SLC4A5: variants seen among roughly 807,000 people sequenced by gnomAD.
SLC4A5 encodes electrogenic sodium bicarbonate cotransporter 4.
In SLC4A5, 96 loss-of-function variants were observed where a neutral mutation model predicts 120.4. The ratio of observed to expected loss-of-function variants is 0.80; its 90% CI spans 0.68 to 0.94. The LOEUF is 0.94. Among genes scored for constraint, SLC4A5 ranks in the 40% least tolerant of loss-of-function variants. SLC4A5 has a pLI of 0.00. For synonymous variants in SLC4A5, 550 were observed against 571.1 expected (o/e 0.96, Z 0.53); for missense variants, 1,259 against 1,459.5 (o/e 0.86, Z 2.24).
chr2:74,274,739 T>C (rs1409296968), intron 8 of SLC4A5, among the ~76,000 whole-genome samples: 1 of 152,232 alleles, frequency 6.6e-6, no homozygotes, highest in Non-Finnish European at 1.5e-5. Context: ...TGAAGGCCAA[T>C]TTATTTAATT....
chr2:74,272,054 A>C (rs1671491851), intron 8 of SLC4A5, among the ~76,000 whole-genome samples: 1 of 152,164 alleles, frequency 6.6e-6, no homozygotes, highest in Admixed American at 6.5e-5. Flanking sequence ...AATGAAGCTG[A>C]AGTGACAGAG....
At chr2:74,330,965 GA>G (rs1231947272) in intron 4 of SLC4A5, among the ~76,000 whole-genome samples, 1 of 95,986 alleles carries the variant, frequency 1.0e-5, no homozygotes, top group Non-Finnish European at 2.2e-5. Context: ...GTGAGGTGTA[GA>G]TGGTGGTGGT....
chr2:74,300,204 C>T (rs1485058631), intron 7 of SLC4A5, among the ~76,000 whole-genome samples: 1 of 152,138 alleles, frequency 6.6e-6, no homozygotes, highest in African/African-American at 2.4e-5. Flanking sequence ...TACCAGGGGT[C>T]GGATGTGGAA....
At chr2:74,314,865 C>T (rs188045329) in intron 6 of SLC4A5, 80 bp downstream of exon 6, 16 of 1,306,042 alleles carry the variant, frequency 1.2e-5, no homozygotes, top group Non-Finnish European at 1.8e-5. Context: ...GACTCTCCTG[C>T]TGAAAGAGCT....
At chr2:74,279,640 A>ACATG (rs764133031) in intron 8 of SLC4A5, among the ~76,000 whole-genome samples, 3 of 152,196 alleles carry the variant, frequency 2.0e-5, no homozygotes, top group Non-Finnish European at 4.4e-5. Context: ...CACGGTGGCC[A>ACATG]CATGATGACC....
chr2:74,249,163 T>C (rs1670712838), intron 17 of SLC4A5, among the ~76,000 whole-genome samples: 1 of 152,166 alleles, frequency 6.6e-6, no homozygotes, highest in African/African-American at 2.4e-5. Flanking sequence ...TAGATATTGT[T>C]AAATGTCTCC....
chr2:74,287,704 A>G (rs1048104644), intron 7 of SLC4A5, among the ~76,000 whole-genome samples: 2 of 152,118 alleles, frequency 1.3e-5, no homozygotes, highest in Non-Finnish European at 2.9e-5. Flanking sequence ...CACTTCACCA[A>G]GAGAATAAAG....
At chr2:74,314,218 G>A (rs150843338) in intron 6 of SLC4A5, among the ~76,000 whole-genome samples, 1 of 152,294 alleles carries the variant, frequency 6.6e-6, no homozygotes, top group African/African-American at 2.4e-5. Flanking sequence ...CTGGTGAACT[G>A]TGGGGAGTGG....
chr2:74,319,659 C>G (rs1673049261), intron 5 of SLC4A5, among the ~76,000 whole-genome samples: 1 of 152,114 alleles, frequency 6.6e-6, no homozygotes, highest in Non-Finnish European at 1.5e-5. Context: ...ATAGTGCATT[C>G]TCTCTCTTTT....
intron 21 of SLC4A5, among the ~76,000 whole-genome samples, chr2:74,239,083 G>A (rs1474841024): frequency 6.6e-6 from 1 of 152,186 alleles, no homozygotes; most frequent in Admixed American, 6.5e-5. Context: ...TTAGTCATCA[G>A]GGAAATGAAA....
intron 6 of SLC4A5, among the ~76,000 whole-genome samples, chr2:74,311,559 T>C (rs1201472335): frequency 6.6e-6 from 1 of 152,244 alleles, no homozygotes; most frequent in Admixed American, 6.5e-5. Flanking sequence ...CTTTGACTAC[T>C]CATATATTAT....
At chr2:74,339,942 C>T (rs10168300) in intron 2 of SLC4A5, among the ~76,000 whole-genome samples, 1 of 152,032 alleles carries the variant, frequency 6.6e-6, no homozygotes, top group Non-Finnish European at 1.5e-5. Context: ...AGACACAAAA[C>T]GACAAATACT....
intron 6 of SLC4A5, among the ~76,000 whole-genome samples, chr2:74,306,501 T>A (rs985988501): frequency 6.6e-6 from 1 of 152,200 alleles, no homozygotes; most frequent in Non-Finnish European, 1.5e-5. Flanking sequence ...AGTAAAACTG[T>A]CTTTGACTGC....
chr2:74,303,362 G>A (rs1193011650), intron 7 of SLC4A5, among the ~76,000 whole-genome samples: 1 of 152,092 alleles, frequency 6.6e-6, no homozygotes, highest in African/African-American at 2.4e-5. Flanking sequence ...TGCAGTCACT[G>A]CCTCTGACAC....
At chr2:74,297,323 G>T (rs188295240) in intron 7 of SLC4A5, among the ~76,000 whole-genome samples, 2 of 152,266 alleles carry the variant, frequency 1.3e-5, no homozygotes, top group Middle Eastern at 3.4e-3. Flanking sequence ...TTAACAACTC[G>T]TAGCAATCTG....
chr2:74,285,952 G>A (rs1671968797), intron 7 of SLC4A5, 50 bp from the exon 8 acceptor site: 1 of 1,520,690 alleles, frequency 6.6e-7, no homozygotes, highest in Admixed American at 2.2e-5. Context: ...GAAGGCAGGA[G>A]GACCACAAGG....
intron 8 of SLC4A5, among the ~76,000 whole-genome samples, chr2:74,281,351 C>T (rs772641530): frequency 1.3e-5 from 2 of 152,230 alleles, no homozygotes; most frequent in African/African-American, 4.8e-5. Context: ...TGGGTTCCAA[C>T]CCAGGTCATT....
chr2:74,304,288 C>T (rs549444791), intron 7 of SLC4A5, among the ~76,000 whole-genome samples: 13 of 152,294 alleles, frequency 8.5e-5, no homozygotes, highest in African/African-American at 3.1e-4. Context: ...CAGAGAAAGA[C>T]AGGGTGTCAG....
At chr2:74,288,533 T>C (rs999358515) in intron 7 of SLC4A5, among the ~76,000 whole-genome samples, 3 of 152,290 alleles carry the variant, frequency 2.0e-5, no homozygotes, top group African/African-American at 7.2e-5. Flanking sequence ...TTCTTGATAT[T>C]TTCCCTCTTT....
Sources: allele counts gnomAD v4.1 joint callset (sites outside exome capture counted in the v4.1 genomes callset), GRCh38; gene constraint gnomAD v4.1.1; transcripts MANE v1.5; gene names NCBI Gene and HGNC (gene_info 2026-07-23, HGNC 2026-07-21).